AMPD2: variants seen among roughly 807,000 people sequenced by gnomAD.
AMPD2 encodes the protein adenosine monophosphate deaminase 2, also known as AMP deaminase 2.
AMPD2 carries 52 observed loss-of-function variants against 91.3 expected under a neutral mutation model. The ratio of observed to expected loss-of-function variants is 0.57; its 90% CI spans 0.46 to 0.72. The LOEUF (loss-of-function observed/expected upper bound fraction) is 0.72. Ranked by LOEUF, AMPD2 falls within the 30% of genes least tolerant of loss-of-function variation. The probability of loss-of-function intolerance (pLI) is 0.00; values close to 1 mark genes in which losing one functional copy is unlikely to be tolerated. For synonymous variants in AMPD2, 455 were observed against 456.4 expected, an observed-to-expected ratio of 1.00 and a Z score of 0.04; for missense variants, 822 against 1,122.3, an observed-to-expected ratio of 0.73 and a Z score of 3.82.
chr1:109,629,491 G>A lies in AMPD2; in HGVS notation c.1862+1G>A. On this transcript the variant is annotated splice_donor_variant, in intron 15 of 18. Transcript: ENST00000528667. LOFTEE classifies it high-confidence loss of function. ...TGGCCATGTTGAACCACCTGCGCAG[G>A]TGCCTGCACCACCCTGTGTCTGCTT... The A allele has an allele frequency of 6.2e-7, 1 of 1,613,066 alleles. No homozygotes were observed.
chr1:109,630,809 C>A lies in AMPD2; in HGVS notation c.2268+16C>A. 6.2e-7 allele frequency: 1 copy of A among 1,600,426 alleles called. No individual in the cohort carries two copies. The highest frequency in any genetic ancestry group is 8.5e-7 in the Non-Finnish European group (1 of 1,173,320). ...CTCGCACAAGGTACTACAGCGCCTG[C>A]CTGGACCTTGGCATGGCATCACTCC... On this transcript the variant is annotated intron_variant, in intron 18 of 18. Transcript: ENST00000528667.
Position 109,624,515 on chromosome 1 carries a change from C to T in AMPD2, c.92-788C>T, listed in dbSNP as rs546040612. Among the ~76,000 whole-genome samples, 4 of 152,318 alleles carry T rather than the reference C, an allele frequency of 2.6e-5. No homozygotes were observed. The highest frequency in any genetic ancestry group is 9.6e-5 in the African/African-American group (4 of 41,568). ...CTTCTGACACTCCCTTCCCCAGGGC[C>T]CTCTGTGGTGCCCCCGGTCCAGATC... On this transcript the variant is annotated intron_variant, in intron 2 of 18. Coordinates refer to ENST00000528667, the MANE Select transcript of AMPD2 (RefSeq NM_001368809.2). The surrounding 1 kb of genome is among the most constrained non-coding windows in gnomAD (Gnocchi z 5.2).
chr1:109,626,955 C>T (rs376246673), intron 7 of AMPD2, 43 bp downstream of exon 7: 154 of 1,585,044 alleles, frequency 9.7e-5, no homozygotes, highest in Admixed American at 2.1e-4. Flanking sequence ...GCCCTAGCCT[C>T]CTGGGCTTCT....
chr1:109,625,948 C>T lies in AMPD2; in HGVS notation c.353+156C>T. 2 of 1,284,360 alleles carry T rather than the reference C, an allele frequency of 1.6e-6. No homozygotes were observed. The highest frequency in any genetic ancestry group is 2.1e-6 in the Non-Finnish European group (2 of 930,822). The allele number at this position is 1,284,360 out of a possible 1,614,324, so 79.6% of individuals were successfully genotyped here. Reference sequence around the variant, plus strand: ...GTCGGGCTGCTGGGTTCTGTTCTGTCTTCTAGCCGCCGGTGTGGCTGGGTC... The same window carrying T: ...GTCGGGCTGCTGGGTTCTGTTCTGTTTTCTAGCCGCCGGTGTGGCTGGGTC... On this transcript the variant is annotated intron_variant, in intron 4 of 18. Transcript: ENST00000528667. This position sits in a 1 kb window ranked among gnomAD's most constrained non-coding sequence, Gnocchi z 4.0.
intron 16 of AMPD2, 45 bp from the exon 17 acceptor site, chr1:109,630,188 C>T: frequency 6.2e-7 from 1 of 1,602,576 alleles, no homozygotes; most frequent in Non-Finnish European, 8.5e-7. Context: ...CCCTGCCCAG[C>T]CTCGGGGCCA....
intron 16 of AMPD2, 51 bp from the exon 17 acceptor site, chr1:109,630,182 G>T (rs375545573): frequency 1.3e-6 from 2 of 1,598,756 alleles, no homozygotes; most frequent in Non-Finnish European, 8.5e-7. Flanking sequence ...ACTGTGCCCT[G>T]CCCAGCCTCG....
chr1:109,627,386 G>T, intron 8 of AMPD2, 43 bp from the exon 9 acceptor site: 1 of 1,613,950 alleles, frequency 6.2e-7, no homozygotes. Context: ...AGAGGCCACA[G>T]GGCTCGGCTT....
In AMPD2 at chr1:109,621,192, C is replaced by G; in HGVS notation, c.17C>G (p.Ser6Cys). 6.2e-7 allele frequency: 1 copy of G among 1,606,966 alleles called. No homozygotes were observed. The highest frequency in any genetic ancestry group is 8.5e-7 in the Non-Finnish European group (1 of 1,176,500). ...GTCCCAGCCATGGCATCCTATCCATCTGGCTCTGGCAAGCCCAAGGCCAAA... is the reference window on the plus strand; with the variant it reads ...GTCCCAGCCATGGCATCCTATCCATGTGGCTCTGGCAAGCCCAAGGCCAAA... MASYP[S>C]GSGKPKAKYP... The change falls in exon 2 of 19, where the codon TCT becomes TGT. Residue 6 changes from serine to cysteine, a missense_variant. Ser to Cys is a moderately radical substitution (Grantham distance 112). Transcript: ENST00000528667.
Position 109,619,893 on chromosome 1 carries a change from GCGTGACTCCCCCACAGTC to G in AMPD2, c.-645_-628del. ...AGATTTTGGTGGGGTCTCACCTGTTGCGTGACTCCCCCACAGTCCGGCCGCGGGAGTCCGACCCTGAAT... is the reference window on the plus strand; with the variant it reads ...AGATTTTGGTGGGGTCTCACCTGTTGCGGCCGCGGGAGTCCGACCCTGAAT... On this transcript the variant is annotated 5_prime_UTR_variant, in exon 1 of 19. Coordinates refer to ENST00000528667, the MANE Select transcript of AMPD2 (RefSeq NM_001368809.2). 1 of 311,994 alleles carries G rather than the reference GCGTGACTCCCCCACAGTC, an allele frequency of 3.2e-6. No individual in the cohort carries two copies. Among genetic ancestry groups the G allele is most frequent in the Admixed American group, 4.9e-5 (1 of 20,594 alleles). The allele number at this position is 311,994 out of a possible 1,614,324, so 19.3% of individuals were successfully genotyped here.
chr1:109,626,843 C>T lies in AMPD2; in HGVS notation c.649C>T (p.Gln217Ter). The change falls in exon 7 of 19, where the codon CAG becomes TAG. Residue 217 changes from glutamine to a stop codon, truncating the protein, a stop_gained. Transcript: ENST00000528667. LOFTEE classifies it high-confidence loss of function. ...CTGCCCCACCACCCGCCGCTACCTGCAGCAGCTGGCTGAAAAGCCTCTGGA... is the reference window on the plus strand; with the variant it reads ...CTGCCCCACCACCCGCCGCTACCTGTAGCAGCTGGCTGAAAAGCCTCTGGA... ...SFCPTTRRYL[Q>*]QLAEKPLETR... The T allele has an allele frequency of 6.2e-7, 1 of 1,613,978 alleles. No individual in the cohort carries two copies. The highest frequency in any genetic ancestry group is 8.5e-7 in the Non-Finnish European group (1 of 1,179,942).
At position 109,625,708 on chromosome 1, in the gene AMPD2, C is replaced by T. The variant is rs369159076; in HGVS notation, c.269C>T (p.Pro90Leu). ...SLAESELRSA[P>L]YEFPEESPIE... Reference sequence around the variant, plus strand: ...GCTGAGAGCGAGCTCCGTAGTGCCCCGTATGAGTTCCCCGAGGAGAGCCCC... The same window carrying T: ...GCTGAGAGCGAGCTCCGTAGTGCCCTGTATGAGTTCCCCGAGGAGAGCCCC... The change falls in exon 4 of 19, where the codon CCG (proline) becomes CTG (leucine). Residue 90 changes from proline to leucine, a missense_variant. Pro to Leu is a moderately conservative substitution (Grantham distance 98, BLOSUM62 -3). Coordinates refer to ENST00000528667, the MANE Select transcript of AMPD2 (RefSeq NM_001368809.2). The surrounding 1 kb of genome is among the most constrained non-coding windows in gnomAD (Gnocchi z 4.0). The T allele has an allele frequency of 3.1e-6, 5 of 1,614,130 alleles. No individual in the cohort carries two copies. Among genetic ancestry groups the T allele is most frequent in the Non-Finnish European group, 4.2e-6 (5 of 1,180,006 alleles).
rs548899307 is a variant in AMPD2, at chr1:109,625,039, T to C, written c.92-264T>C. 6.6e-6 allele frequency among the ~76,000 whole-genome samples: 1 copy of C among 152,238 alleles called. No individual in the cohort carries two copies. Among genetic ancestry groups the C allele is most frequent in the African/African-American group, 2.4e-5 (1 of 41,536 alleles). ...TGAGGGATCAGGCTCTAGTCTCATT[T>C]GTGGAGGTAATGAATCTACTTGTTC... is the stretch of plus-strand genomic sequence containing the variant. On this transcript the variant is annotated intron_variant, in intron 2 of 18. Transcript: ENST00000528667. The surrounding 1 kb of genome is among the most constrained non-coding windows in gnomAD (Gnocchi z 4.0).
At position 109,630,957 on chromosome 1, in the gene AMPD2, G is replaced by C; in HGVS notation, c.2283G>C (p.Trp761Cys). Residue 761 changes from tryptophan (W) to cysteine (C), a missense_variant, in exon 19 of 19, where the codon TGG becomes TGC. By Grantham distance (215) the Trp-to-Cys change is radical. This residue lies in a region of AMPD2 where 430 missense variants were observed against 606.0 expected (regional missense o/e 0.71). Transcript: ENST00000528667. ...SGFSHKVKSH[W>C]LGPNYTKEGP... is the part of the protein sequence containing the mutation. Reference sequence around the variant, plus strand: ...GCTCCTTGCAGGTAAAGAGCCACTGGCTGGGACCCAACTATACCAAGGAAG... The same window carrying C: ...GCTCCTTGCAGGTAAAGAGCCACTGCCTGGGACCCAACTATACCAAGGAAG... The C allele has an allele frequency of 6.2e-7, 1 of 1,614,104 alleles. No individual in the cohort carries two copies. Among genetic ancestry groups the C allele is most frequent in the Non-Finnish European group, 8.5e-7 (1 of 1,180,032 alleles).
rs1650659872 is a variant in AMPD2 at position 109,626,144 on chromosome 1, C to T, written c.354-16C>T. 15 of 1,614,092 alleles carry T rather than the reference C, an allele frequency of 9.3e-6. No individual in the cohort carries two copies. The highest frequency in any genetic ancestry group is 1.3e-5 in the Non-Finnish European group (15 of 1,180,004). ...CCCTCGGGATCTGCCTGACTTCTCA[C>T]CCCTCTTGCCTCTAGGCTGGAGCCA... On this transcript the variant is annotated splice_polypyrimidine_tract_variant and intron_variant, in intron 4 of 18. Transcript: ENST00000528667.
In AMPD2 at chr1:109,626,364, G is replaced by A. The variant is rs746212106; in HGVS notation, c.468G>A (p.Arg156=). 3.5e-5 allele frequency: 56 copies of A among 1,612,500 alleles called. No homozygotes were observed. The highest frequency in any genetic ancestry group is 4.4e-5 in the Non-Finnish European group (52 of 1,179,402). Residue 156 remains arginine (R), a synonymous_variant, in exon 6 of 19, where the codon CGG becomes CGA. Transcript: ENST00000528667. ...QGEGQGDRSL[R]ERDVLEREFQ... ...AGGGGCAGGGTGACCGGAGCCTGCG[G>A]GAGCGTGATGTGCTGGAACGGGAGT...
chr1:109,625,494 A>C lies in AMPD2; in HGVS notation c.222+61A>C. Reference sequence around the variant, plus strand: ...TCTCCATGCCCTGCCTCTGCTCCCCACACCCCTCACCTCAAGCTGTCCCCT... The same window carrying C: ...TCTCCATGCCCTGCCTCTGCTCCCCCCACCCCTCACCTCAAGCTGTCCCCT... On this transcript the variant is annotated intron_variant, in intron 3 of 18. Transcript: ENST00000528667. The surrounding 1 kb of genome is among the most constrained non-coding windows in gnomAD (Gnocchi z 4.0). 1 of 1,608,730 alleles carries C rather than the reference A, an allele frequency of 6.2e-7. No homozygotes were observed. The highest frequency in any genetic ancestry group is 8.5e-7 in the Non-Finnish European group (1 of 1,176,886).
chr1:109,620,039 A>G lies in AMPD2; in HGVS notation c.-502A>G. The G allele has an allele frequency of 1.8e-6, 1 of 567,080 alleles. No individual in the cohort carries two copies. The highest frequency in any genetic ancestry group is 3.2e-6 in the Non-Finnish European group (1 of 314,962). The allele number at this position is 567,080 out of a possible 1,614,324, so 35.1% of individuals were successfully genotyped here. A position where few individuals can be genotyped will look rare whatever the true frequency, so the allele number is the denominator to read the frequency against. Reference sequence around the variant, plus strand: ...GATTGCAGGGTTGGGTGGTCGCGACACCGGGGTCGCCTTGAGGCCAGTCCG... The same window carrying G: ...GATTGCAGGGTTGGGTGGTCGCGACGCCGGGGTCGCCTTGAGGCCAGTCCG... On this transcript the variant is annotated 5_prime_UTR_variant, in exon 1 of 19. Transcript: ENST00000528667.
chr1:109,629,255 C>A lies in AMPD2; in HGVS notation c.1698+20C>A, dbSNP rs1239819057. On this transcript the variant is annotated intron_variant, in intron 14 of 18. Transcript: ENST00000528667. ...GAGCACGTGAGCAGGCAGCGCAGAG[C>A]TGGGTATGGGGAGGGCAGCCGGCTT... 6.2e-7 allele frequency: 1 copy of A among 1,614,114 alleles called. No individual in the cohort carries two copies. Among genetic ancestry groups the A allele is most frequent in the Admixed American group, 1.7e-5 (1 of 60,024 alleles).
Position 109,626,568 on chromosome 1 carries a change from C to T in AMPD2, c.531+141C>T, listed in dbSNP as rs865774. The T allele has an allele frequency of 0.15, 200,456 of 1,298,344 alleles. 16,180 individuals carry two copies. Among genetic ancestry groups the T allele is most frequent in the Non-Finnish European group, 0.16 (153,839 of 942,638 alleles). The allele number at this position is 1,298,344 out of a possible 1,614,324, so 80.4% of individuals were successfully genotyped here. On this transcript the variant is annotated intron_variant, in intron 6 of 18. Coordinates refer to ENST00000528667, the MANE Select transcript of AMPD2 (RefSeq NM_001368809.2). ...AGGGGCGGAGGGGCAGAGGGGCTGC[C>T]TAGGAGCCACTTGATGTGCTGGACC...
Sources: allele counts gnomAD v4.1 joint callset (sites outside exome capture counted in the v4.1 genomes callset), GRCh38; gene constraint gnomAD v4.1.1; regional missense constraint gnomAD v4.1.1; non-coding constraint Gnocchi (gnomAD v3.1); transcripts MANE v1.5; gene names NCBI Gene and HGNC (gene_info 2026-07-23, HGNC 2026-07-21).